Variants in TAFA2 observed in about 807,000 individuals in gnomAD.
The protein encoded by TAFA2 is chemokine-like protein TAFA-2.
In TAFA2, 7 loss-of-function variants were observed where a neutral mutation model predicts 18.8. The observed-to-expected ratio is 0.37, with a 90% confidence interval of 0.21 to 0.70. The LOEUF is 0.70. Ranked by LOEUF, TAFA2 falls within the 30% of genes least tolerant of loss-of-function variation. The probability of loss-of-function intolerance (pLI) is 0.53; values close to 1 mark genes in which losing one functional copy is unlikely to be tolerated. For synonymous variants in TAFA2, 60 were observed against 54.2 expected, an observed-to-expected ratio of 1.11 and a Z score of -0.47; for missense variants, 122 against 158.1, an observed-to-expected ratio of 0.77 and a Z score of 1.23.
chr12:62,046,545 C>A (rs983496948), intron 1 of TAFA2, among the ~76,000 whole-genome samples: 4 of 151,942 alleles, frequency 2.6e-5, no homozygotes, highest in African/African-American at 9.7e-5. Context: ...GCTTTAAATG[C>A]CCTGATTTTG....
chr12:62,024,899 C>T (rs896603166), intron 1 of TAFA2, among the ~76,000 whole-genome samples: 1 of 152,022 alleles, frequency 6.6e-6, no homozygotes, highest in Non-Finnish European at 1.5e-5. Flanking sequence ...TAAATCAAAA[C>T]CGCAATGAGA....
At chr12:61,780,829 A>G (rs1044077807) in intron 2 of TAFA2, among the ~76,000 whole-genome samples, 2 of 151,732 alleles carry the variant, frequency 1.3e-5, no homozygotes, top group Non-Finnish European at 2.9e-5. Context: ...CTTCACTTAT[A>G]TTGCAACGGT....
chr12:61,946,128 A>G (rs1256552887), intron 1 of TAFA2, among the ~76,000 whole-genome samples: 2 of 149,428 alleles, frequency 1.3e-5, no homozygotes, highest in African/African-American at 5.0e-5. Context: ...AATGGAACAG[A>G]ACAGAGCCCT....
chr12:61,710,532 T>C, intron 4 of TAFA2, 115 bp from the exon 5 acceptor site: 1 of 765,184 alleles, frequency 1.3e-6, no homozygotes, highest in Non-Finnish European at 2.2e-6. Context: ...CTATATCAAA[T>C]GCATTACTTA....
chr12:62,097,593 A>G (rs943043513), intron 1 of TAFA2, among the ~76,000 whole-genome samples: 1 of 152,162 alleles, frequency 6.6e-6, no homozygotes, highest in African/African-American at 2.4e-5. Context: ...GATCTGCTTG[A>G]TTATATTTTA....
chr12:62,236,817 T>TA (rs2136987338), intron 1 of TAFA2, among the ~76,000 whole-genome samples: 1 of 152,356 alleles, frequency 6.6e-6, no homozygotes, highest in South Asian at 2.1e-4. Context: ...AATCTGCTGT[T>TA]AGATGAAAAT....
chr12:62,210,529 G>T (rs571131003), intron 1 of TAFA2, among the ~76,000 whole-genome samples: 1 of 152,092 alleles, frequency 6.6e-6, no homozygotes, highest in Non-Finnish European at 1.5e-5. Flanking sequence ...GTCAAAACAG[G>T]GCAACTGCAG....
chr12:61,736,884 C>T (rs944301133), intron 4 of TAFA2, among the ~76,000 whole-genome samples: 5 of 151,920 alleles, frequency 3.3e-5, no homozygotes, highest in African/African-American at 1.2e-4. Context: ...TTTCTGAAAT[C>T]CACTAAATCA....
At chr12:62,094,380 A>T (rs1233033840) in intron 1 of TAFA2, among the ~76,000 whole-genome samples, 1 of 152,040 alleles carries the variant, frequency 6.6e-6, no homozygotes, top group Non-Finnish European at 1.5e-5. Context: ...CACATTGGGT[A>T]GACTGTACAC....
At chr12:61,954,079 G>A (rs867297342) in intron 1 of TAFA2, among the ~76,000 whole-genome samples, 10 of 152,000 alleles carry the variant, frequency 6.6e-5, no homozygotes, top group African/African-American at 1.9e-4. Context: ...CCCAAATAGC[G>A]TACACTGAAT....
intron 2 of TAFA2, among the ~76,000 whole-genome samples, chr12:61,807,066 C>T (rs1184163974): frequency 6.8e-6 from 1 of 146,340 alleles, no homozygotes; most frequent in Non-Finnish European, 1.5e-5. Flanking sequence ...AAATGTTAAT[C>T]CCCAAAACAA....
intron 2 of TAFA2, among the ~76,000 whole-genome samples, chr12:61,775,593 G>A (rs1472176390): frequency 6.6e-6 from 1 of 151,770 alleles, no homozygotes; most frequent in African/African-American, 2.4e-5. Context: ...TCTGGAAAAG[G>A]AGAAACTATG....
chr12:61,710,926 A>C (rs1007445234), intron 4 of TAFA2, among the ~76,000 whole-genome samples: 1 of 46,046 alleles, frequency 2.2e-5, no homozygotes. Context: ...TATATTTGAA[A>C]AATTATATTT....
At chr12:62,204,213 G>A (rs2062682927) in intron 1 of TAFA2, among the ~76,000 whole-genome samples, 1 of 152,148 alleles carries the variant, frequency 6.6e-6, no homozygotes, top group Non-Finnish European at 1.5e-5. Flanking sequence ...TCCACAGTGA[G>A]TCTGACGAAC....
chr12:61,874,276 T>G (rs917718487), intron 1 of TAFA2, among the ~76,000 whole-genome samples: 12 of 152,170 alleles, frequency 7.9e-5, no homozygotes, highest in Non-Finnish European at 1.6e-4. Context: ...AACACAGACT[T>G]TGAAACTTTA....
chr12:62,049,784 TAA>T lies in TAFA2; in HGVS notation c.-2+141473_-2+141474del, dbSNP rs1439916068. Among the ~76,000 whole-genome samples the T allele has an allele frequency of 3.3e-5, 5 of 152,130 alleles. No homozygotes were observed. The East Asian group carries it at 5.8e-4, about 18-fold the overall frequency. Reference sequence around the variant, plus strand: ...TGTGTATGTATATTATTAAGTTCATTAAGAGACATATTAGAAACAAGAGAATA... The same window carrying T: ...TGTGTATGTATATTATTAAGTTCATTGAGACATATTAGAAACAAGAGAATA... On this transcript the variant is annotated intron_variant, in intron 1 of 4. Transcript: ENST00000416284.
intron 2 of TAFA2, among the ~76,000 whole-genome samples, chr12:61,840,268 T>C (rs1346863106): frequency 6.6e-6 from 1 of 152,052 alleles, no homozygotes; most frequent in East Asian, 1.9e-4. Context: ...TATTTTTATA[T>C]TATGTGCCTG....
At chr12:61,712,159 G>A (rs1171177289) in intron 4 of TAFA2, among the ~76,000 whole-genome samples, 1 of 152,046 alleles carries the variant, frequency 6.6e-6, no homozygotes, top group Non-Finnish European at 1.5e-5. Context: ...TAGCCAAATG[G>A]AGAAACATGG....
intron 4 of TAFA2, among the ~76,000 whole-genome samples, chr12:61,735,177 A>G (rs1868283393): frequency 1.3e-5 from 2 of 152,040 alleles, no homozygotes; most frequent in South Asian, 4.2e-4. Flanking sequence ...GGCCTTTTAT[A>G]ATTAGAAAAT....
Sources: allele counts gnomAD v4.1 joint callset (sites outside exome capture counted in the v4.1 genomes callset), GRCh38; gene constraint gnomAD v4.1.1; transcripts MANE v1.5; gene names NCBI Gene and HGNC (gene_info 2026-07-23, HGNC 2026-07-21).